Variants in NOP9 observed in about 807,000 individuals in gnomAD.
The protein encoded by NOP9 is nucleolar protein 9.
NOP9 carries 50 observed loss-of-function variants against 63.0 expected under a neutral mutation model. That is an observed-to-expected ratio of 0.79 (90% CI 0.63 to 1.00). NOP9 has a LOEUF of 1.00. Among genes scored for constraint, NOP9 ranks in the 50% least tolerant of loss-of-function variants. The pLI, the probability that NOP9 is intolerant of heterozygous loss-of-function variation, is 0.00. For synonymous variants in NOP9, 343 were observed against 332.8 expected (o/e 1.03, Z -0.33); for missense variants, 758 against 803.0 (o/e 0.94, Z 0.68).
chr14:24,296,618 T>C (rs2041252256), upstream of NOP9: 2 of 1,613,546 alleles, frequency 1.2e-6, no homozygotes, highest in Non-Finnish European at 1.7e-6. Context: ...TGATGAATGA[T>C]CTGAAGGTAG....
rs1338791769 is a variant in NOP9, at chr14:24,302,028, A to G, written c.872A>G (p.Lys291Arg). The change falls in exon 4 of 10, where the codon AAA becomes AGA. Residue 291 changes from lysine to arginine, a missense_variant. Coordinates refer to ENST00000267425, the MANE Select transcript of NOP9 (RefSeq NM_174913.3). ...GTGGCTTTACAGGTTTTACACCGCA[A>G]ACTTCCCCAGTTTTGCGCTCATCTC... is the stretch of plus-strand genomic sequence containing the variant. ...LQVALQVLHR[K>R]LPQFCAHLCN... The G allele has an allele frequency of 1.7e-5, 28 of 1,613,942 alleles. No individual in the cohort carries two copies. Among genetic ancestry groups the G allele is most frequent in the Middle Eastern group, 1.6e-4 (1 of 6,080 alleles).
chr14:24,308,993 C>T lies in NOP9; in HGVS notation c.*3898C>T, dbSNP rs1285577682. The T allele has an allele frequency of 3.3e-5, 5 of 152,272 alleles. No homozygotes were observed. Among genetic ancestry groups the T allele is most frequent in the East Asian group, 3.8e-4 (2 of 5,198 alleles). The allele number at this position is 152,272 out of a possible 1,614,324, so 9.4% of individuals were successfully genotyped here. Reference sequence around the variant, plus strand: ...CCCTGAACCAAATACCTTGAACCCTCGTAAACTCCATACCCTGACCCCCTT... The same window carrying T: ...CCCTGAACCAAATACCTTGAACCCTTGTAAACTCCATACCCTGACCCCCTT... On this transcript the variant is annotated 3_prime_UTR_variant, in exon 10 of 10. Coordinates refer to ENST00000267425, the MANE Select transcript of NOP9 (RefSeq NM_174913.3).
the NOP9 span, among the ~76,000 whole-genome samples, chr14:24,288,647 C>T: frequency 6.6e-6 from 1 of 152,174 alleles, no homozygotes; most frequent in Non-Finnish European, 1.5e-5. Flanking sequence ...CGCGCCCGAC[C>T]AGGAATTGAC....
chr14:24,271,383 G>C, the NOP9 span: 2 of 376,140 alleles, frequency 5.3e-6, no homozygotes, highest in African/African-American at 4.1e-5. Flanking sequence ...CAGAGCGCGA[G>C]CCGGGGCACC....
chr14:24,290,594 C>CTCGGTGGTCGCCGT, the NOP9 span: 1 of 417,514 alleles, frequency 2.4e-6, no homozygotes, highest in Non-Finnish European at 4.4e-6. Context: ...CAGTCAAAAA[C>CTCGGTGGTCGCCGT]ACATTGAAAG....
Position 24,307,417 on chromosome 14 carries a change from A to T in NOP9, c.*2322A>T. On this transcript the variant is annotated 3_prime_UTR_variant, in exon 10 of 10. Coordinates refer to ENST00000267425, the MANE Select transcript of NOP9 (RefSeq NM_174913.3). ...GGTGGCAGCTGTCAGGCCTTTCCGG[A>T]TGGTCCGCTTGTGATCACAGACACG... The T allele has an allele frequency of 6.2e-7, 1 of 1,614,034 alleles. No homozygotes were observed. The highest frequency in any genetic ancestry group is 8.5e-7 in the Non-Finnish European group (1 of 1,179,960).
intron 4 of NOP9, 30 bp from the exon 5 acceptor site, chr14:24,302,202 A>C (rs1370139208): frequency 6.2e-7 from 1 of 1,603,902 alleles, no homozygotes; most frequent in Non-Finnish European, 8.5e-7. Flanking sequence ...AAATGGAGTT[A>C]AGACTGCCTG....
the NOP9 span, among the ~76,000 whole-genome samples, chr14:24,287,846 T>C: frequency 6.6e-6 from 1 of 152,204 alleles, no homozygotes; most frequent in Non-Finnish European, 1.5e-5. Flanking sequence ...CAAATTCAAC[T>C]AGTCTTCCCT....
chr14:24,288,075 A>G, the NOP9 span, among the ~76,000 whole-genome samples: 1 of 152,296 alleles, frequency 6.6e-6, no homozygotes, highest in African/African-American at 2.4e-5. Context: ...AGAGAGAAGC[A>G]CAGTGGTCTG....
the NOP9 span, among the ~76,000 whole-genome samples, chr14:24,280,117 A>C: frequency 6.6e-6 from 1 of 152,244 alleles, no homozygotes; most frequent in African/African-American, 2.4e-5. Context: ...GGGCTGCGAC[A>C]GTGAGCAGAG....
At chr14:24,274,426 G>A in the NOP9 span, among the ~76,000 whole-genome samples, 1 of 152,144 alleles carries the variant, frequency 6.6e-6, no homozygotes, top group South Asian at 2.1e-4. Context: ...TGAAGGTGGG[G>A]GAGAGAAAGC....
chr14:24,290,277 G>A, the NOP9 span, among the ~76,000 whole-genome samples: 1 of 152,258 alleles, frequency 6.6e-6, no homozygotes, highest in African/African-American at 2.4e-5. Context: ...TGAACACCAA[G>A]GAATCTGCCT....
At position 24,306,840 on chromosome 14, in the gene NOP9, A is replaced by G. The variant is rs2041526119; in HGVS notation, c.*1745A>G. 7.5e-6 allele frequency: 3 copies of G among 402,516 alleles called. No homozygotes were observed. The South Asian group carries it at 8.1e-5, about 11-fold the overall frequency. The allele number at this position is 402,516 out of a possible 1,614,324, so 24.9% of individuals were successfully genotyped here. On this transcript the variant is annotated 3_prime_UTR_variant, in exon 10 of 10. Transcript: ENST00000267425. ...AGTCCACCCTTCTGTCTTATCTACA[A>G]TGCTGCACCTCACTTCCCACACCCT...
At chr14:24,299,097 G>A (rs762707146), upstream of NOP9, 1 of 1,612,822 alleles carries the variant, frequency 6.2e-7, no homozygotes, top group Non-Finnish European at 8.5e-7. Flanking sequence ...CCATTCATGG[G>A]AGCTGCCATG....
At chr14:24,277,254 G>A in the NOP9 span, among the ~76,000 whole-genome samples, 3 of 152,162 alleles carry the variant, frequency 2.0e-5, no homozygotes, top group Non-Finnish European at 4.4e-5. Context: ...AGAAGAGGAA[G>A]GGCTACTTCT....
At position 24,300,825 on chromosome 14, in the gene NOP9, A is replaced by T; in HGVS notation, c.665A>T (p.Glu222Val). 1.2e-6 allele frequency: 2 copies of T among 1,613,964 alleles called. No individual in the cohort carries two copies. Reference protein sequence around the residue: ...QVLGGTILESERARPRGSQSS... With the variant: ...QVLGGTILESVRARPRGSQSS... The stretch of plus-strand genomic sequence containing the variant: ...TTAGGAGGGACTATTCTGGAGTCTG[A>T]GAGAGCCAGGCCCCGTGGTTCCCAA... Residue 222 changes from glutamate to valine, a missense_variant, in exon 2 of 10, where the codon GAG becomes GTG. By Grantham distance (121) the Glu-to-Val change is moderately radical (BLOSUM62 -2). Transcript: ENST00000267425.
the NOP9 span, chr14:24,291,364 C>T: frequency 9.2e-7 from 1 of 1,089,178 alleles, no homozygotes; most frequent in Non-Finnish European, 1.4e-6. Flanking sequence ...GGACTTTTTC[C>T]ACACTTCCCA....
At chr14:24,301,545 G>A in intron 2 of NOP9, 67 bp from the exon 3 acceptor site, 1 of 1,596,756 alleles carries the variant, frequency 6.3e-7, no homozygotes, top group Non-Finnish European at 8.6e-7. Flanking sequence ...GTTCATCTGT[G>A]AAATTTTTCT....
the NOP9 span, chr14:24,292,576 G>A: frequency 4.3e-6 from 7 of 1,610,876 alleles, no homozygotes; most frequent in South Asian, 7.7e-5. Flanking sequence ...TCTGACCACT[G>A]GGGATTGTAC....
Sources: allele counts gnomAD v4.1 joint callset (sites outside exome capture counted in the v4.1 genomes callset), GRCh38; gene constraint gnomAD v4.1.1; transcripts MANE v1.5; gene names NCBI Gene and HGNC (gene_info 2026-07-23, HGNC 2026-07-21).